Variants in BMERB1 observed in about 807,000 individuals in gnomAD.
BMERB1 encodes the protein bMERB domain containing 1, also known as bMERB domain-containing protein 1.
In BMERB1, 12 loss-of-function variants were observed where a neutral mutation model predicts 23.6. That is an observed-to-expected ratio of 0.51 (90% CI 0.33 to 0.82). BMERB1 has a LOEUF of 0.82. BMERB1 is among the 40% of genes least tolerant of loss of function. BMERB1 has a pLI of 0.03. For missense variants in BMERB1, 247 were observed against 255.4 expected, an observed-to-expected ratio of 0.97 and a Z score of 0.22; for synonymous variants, 122 against 96.6, an observed-to-expected ratio of 1.26 and a Z score of -1.54.
chr16:15,470,470 G>T (rs1360205663), intron 1 of BMERB1, among the ~76,000 whole-genome samples: 1 of 151,730 alleles, frequency 6.6e-6, no homozygotes, highest in Non-Finnish European at 1.5e-5. Flanking sequence ...TCTGGTTGTG[G>T]TATGACGGTA....
At chr16:15,573,948 A>G (rs1278899806) in intron 3 of BMERB1, among the ~76,000 whole-genome samples, 1 of 143,190 alleles carries the variant, frequency 7.0e-6, no homozygotes, top group Non-Finnish European at 1.5e-5. Flanking sequence ...TAAAACCATC[A>G]GATCTCATGG....
chr16:15,564,975 T>C (rs1013639872), intron 2 of BMERB1, among the ~76,000 whole-genome samples: 2 of 152,118 alleles, frequency 1.3e-5, no homozygotes, highest in Admixed American at 6.6e-5. Flanking sequence ...ATCAGAATGT[T>C]ATCCAACTGT....
chr16:15,565,444 G>A (rs1027049990), intron 2 of BMERB1, among the ~76,000 whole-genome samples: 1 of 152,110 alleles, frequency 6.6e-6, no homozygotes, highest in African/African-American at 2.4e-5. Flanking sequence ...TATTGTATTT[G>A]GGTTTACCTT....
intron 3 of BMERB1, among the ~76,000 whole-genome samples, chr16:15,572,388 G>GT (rs1343893107): frequency 6.6e-6 from 1 of 152,190 alleles, no homozygotes; most frequent in African/African-American, 2.4e-5. Context: ...GCCCAGCACT[G>GT]TGTAGGCCCT....
intron 1 of BMERB1, among the ~76,000 whole-genome samples, chr16:15,490,970 C>T (rs1055744099): frequency 1.1e-4 from 17 of 152,226 alleles, no homozygotes; most frequent in Admixed American, 1.1e-3. Flanking sequence ...CTCAGCCTCC[C>T]GAGTAGCTGG....
chr16:15,562,333 A>G (rs1225459175), intron 2 of BMERB1, among the ~76,000 whole-genome samples: 2 of 152,056 alleles, frequency 1.3e-5, no homozygotes, highest in East Asian at 1.9e-4. Context: ...TAAATAAATA[A>G]TTAAAAATGA....
intron 3 of BMERB1, among the ~76,000 whole-genome samples, chr16:15,571,771 G>T (rs1017482693): frequency 1.3e-5 from 2 of 151,940 alleles, no homozygotes; most frequent in South Asian, 4.2e-4. Flanking sequence ...TAACAGGTAG[G>T]GGACTAAGAC....
chr16:15,559,256 T>C (rs2030352347), intron 2 of BMERB1, among the ~76,000 whole-genome samples: 1 of 152,154 alleles, frequency 6.6e-6, no homozygotes, highest in African/African-American at 2.4e-5. Flanking sequence ...CCTGGAAAAG[T>C]ATGTGTCTAG....
intron 2 of BMERB1, among the ~76,000 whole-genome samples, chr16:15,521,448 C>T (rs1253806110): frequency 5.3e-5 from 8 of 152,192 alleles, no homozygotes; most frequent in African/African-American, 1.9e-4. Context: ...AAGCCCTTTA[C>T]ACACATGCTC....
chr16:15,493,915 A>G (rs2051447434), intron 1 of BMERB1, among the ~76,000 whole-genome samples: 2 of 152,132 alleles, frequency 1.3e-5, no homozygotes, highest in South Asian at 4.1e-4. Context: ...CTGGATTCTC[A>G]TCATTTTAAC....
At chr16:15,478,186 C>T (rs1031165906) in intron 1 of BMERB1, among the ~76,000 whole-genome samples, 4 of 151,194 alleles carry the variant, frequency 2.6e-5, no homozygotes, top group African/African-American at 9.7e-5. Flanking sequence ...TAGATGGAGT[C>T]TCACTCTGTT....
intron 2 of BMERB1, among the ~76,000 whole-genome samples, chr16:15,525,170 C>T (rs752071863): frequency 2.0e-5 from 3 of 152,168 alleles, no homozygotes; most frequent in Non-Finnish European, 2.9e-5. Flanking sequence ...CAGTTGAAGG[C>T]CTGACTACAA....
chr16:15,491,722 T>G (rs1322685499), intron 1 of BMERB1, among the ~76,000 whole-genome samples: 8 of 152,176 alleles, frequency 5.3e-5, no homozygotes, highest in African/African-American at 1.4e-4. Context: ...GGATCCTCTA[T>G]CTGAAGCATT....
chr16:15,539,063 A>G (rs1598505045), intron 2 of BMERB1, among the ~76,000 whole-genome samples: 1 of 152,290 alleles, frequency 6.6e-6, no homozygotes, highest in Admixed American at 6.5e-5. Flanking sequence ...CTTTATTTCT[A>G]TCATTATTAC....
At chr16:15,495,721 A>G (rs996075705) in intron 1 of BMERB1, among the ~76,000 whole-genome samples, 7 of 152,142 alleles carry the variant, frequency 4.6e-5, no homozygotes, top group African/African-American at 1.7e-4. Flanking sequence ...GCCTAATATT[A>G]GTATTTGTGG....
intron 1 of BMERB1, among the ~76,000 whole-genome samples, chr16:15,471,633 A>G (rs570725329): frequency 6.6e-6 from 1 of 152,134 alleles, no homozygotes; most frequent in African/African-American, 2.4e-5. Flanking sequence ...GTCTCTTTTT[A>G]GAGATAGGGG....
intron 1 of BMERB1, among the ~76,000 whole-genome samples, chr16:15,497,761 A>G (rs1442319765): frequency 6.6e-6 from 1 of 152,198 alleles, no homozygotes; most frequent in African/African-American, 2.4e-5. Context: ...GATGATCTGC[A>G]GGGAGGAAAG....
intron 2 of BMERB1, among the ~76,000 whole-genome samples, chr16:15,566,783 G>T (rs117429657): frequency 6.6e-6 from 1 of 152,244 alleles, no homozygotes; most frequent in Non-Finnish European, 1.5e-5. Flanking sequence ...ATGGAAAGAT[G>T]ATCAAGACTA....
intron 1 of BMERB1, among the ~76,000 whole-genome samples, chr16:15,504,895 G>T (rs866670005): frequency 6.6e-6 from 1 of 151,474 alleles, no homozygotes; most frequent in Non-Finnish European, 1.5e-5. Flanking sequence ...TTCCCTAAAT[G>T]CAGCGGCTGT....
Sources: allele counts gnomAD v4.1 joint callset (sites outside exome capture counted in the v4.1 genomes callset), GRCh38; gene constraint gnomAD v4.1.1; transcripts MANE v1.5; gene names NCBI Gene and HGNC (gene_info 2026-07-23, HGNC 2026-07-21).